Variants in EPS8 observed in about 807,000 individuals in gnomAD.
The protein encoded by EPS8 is epidermal growth factor receptor kinase substrate 8.
A neutral mutation model predicts 103.8 loss-of-function variants in EPS8; 42 were observed. The observed-to-expected ratio is 0.40, with a 90% CI of 0.32 to 0.52. The LOEUF (loss-of-function observed/expected upper bound fraction) is 0.52, where lower values mean the gene tolerates loss of function less well. Among genes scored for constraint, EPS8 ranks in the 20% least tolerant of loss-of-function variants. The probability of loss-of-function intolerance (pLI) is 0.40; values close to 1 mark genes in which losing one functional copy is unlikely to be tolerated. For missense variants in EPS8, 969 were observed against 1,005.1 expected (o/e 0.96, Z 0.49); for synonymous variants, 344 against 344.6 (o/e 1.00, Z 0.02).
In EPS8 at chr12:15,641,686, T is replaced by C. The variant is rs57245594; in HGVS notation, c.1677+36A>G. The C allele has an allele frequency of 0.039, 39,440 of 1,022,330 alleles. 2,048 individuals are homozygous for C. Among genetic ancestry groups the C allele is most frequent in the African/African-American group, 0.22 (13,364 of 59,874 alleles). 63.3% of individuals were successfully genotyped at this position (1,022,330 alleles called of 1,614,324 possible). A position where few individuals can be genotyped will look rare whatever the true frequency, so the allele number is the denominator to read the frequency against. On this transcript the variant is annotated intron_variant, in intron 16 of 20. Coordinates refer to ENST00000281172, the MANE Select transcript of EPS8 (RefSeq NM_004447.6). The stretch of plus-strand genomic sequence containing the variant: ...CAAAAGAGTAATACAATAAAACTAC[T>C]TTATTAAGAGTATAAAAAAGAAAAA...
intron 10 of EPS8, among the ~76,000 whole-genome samples, chr12:15,659,693 G>A (rs1470723418): frequency 1.3e-5 from 2 of 152,088 alleles, no homozygotes; most frequent in African/African-American, 4.8e-5. Context: ...GTAATGAAAG[G>A]GATATTTATT....
intron 19 of EPS8, among the ~76,000 whole-genome samples, chr12:15,623,768 T>C (rs1393948485): frequency 6.6e-6 from 1 of 152,218 alleles, no homozygotes; most frequent in Non-Finnish European, 1.5e-5. Flanking sequence ...TATGGGTTTA[T>C]TAAAGGAAAA....
At chr12:15,623,940 G>A (rs1944901759) in intron 19 of EPS8, among the ~76,000 whole-genome samples, 1 of 152,182 alleles carries the variant, frequency 6.6e-6, no homozygotes, top group South Asian at 2.1e-4. Context: ...GTAATCTGAT[G>A]GAGAAAAGAA....
rs141672760 is a variant in EPS8, at chr12:15,691,212, T to A, written c.-21-8240A>T. Among the ~76,000 whole-genome samples, 45 of 149,466 alleles carry A rather than the reference T, an allele frequency of 3.0e-4. 1 individual carries two copies. In the East Asian group the frequency reaches 8.6e-3, roughly 29 times the overall value. On this transcript the variant is annotated intron_variant, in intron 1 of 20. Coordinates refer to ENST00000281172, the MANE Select transcript of EPS8 (RefSeq NM_004447.6). ...CTAGATTAGGGGTGGATCTAGAGGA[T>A]AAAATCTCCCTGAAAGAATGACTAG... is the stretch of plus-strand genomic sequence containing the variant.
rs1431669832 is a variant in EPS8 at position 15,690,919 on chromosome 12, AAAG to A, written c.-21-7950_-21-7948del. ...ATAGGCTGCTAGAAAGTGATGCAAT[AAAG>A]AAGAGTCAAGACCAAACAAAAAAGT... On this transcript the variant is annotated intron_variant, in intron 1 of 20. Coordinates refer to ENST00000281172, the MANE Select transcript of EPS8 (RefSeq NM_004447.6). The surrounding 1 kb of genome is among the most constrained non-coding windows in gnomAD (Gnocchi z 4.7). 6.6e-6 allele frequency among the ~76,000 whole-genome samples: 1 copy of A among 152,098 alleles called. No homozygotes were observed.
rs7310584 is a variant in EPS8, at chr12:15,624,511, G to T, written c.2045-104C>A. 125 of 777,616 alleles carry T rather than the reference G, an allele frequency of 1.6e-4. No individual in the cohort carries two copies. The African/African-American group carries it at 1.7e-3, about 11-fold the overall frequency. The allele number at this position is 777,616 out of a possible 1,614,324, so 48.2% of individuals were successfully genotyped here. A position where few individuals can be genotyped will look rare whatever the true frequency, so the allele number is the denominator to read the frequency against. ...ATCCTTGACCCCAGTAGGACCTACAGTCTAGTGTTCCTACCATCTTTCCTC... is the reference window on the plus strand; with the variant it reads ...ATCCTTGACCCCAGTAGGACCTACATTCTAGTGTTCCTACCATCTTTCCTC... On this transcript the variant is annotated intron_variant, in intron 18 of 20. Coordinates refer to ENST00000281172, the MANE Select transcript of EPS8 (RefSeq NM_004447.6).
At position 15,752,697 on chromosome 12, in the gene EPS8, G is replaced by T. The variant is rs1455950509; in HGVS notation, c.-22+36464C>A. Among the ~76,000 whole-genome samples, 1 of 152,016 alleles carries T rather than the reference G, an allele frequency of 6.6e-6. No homozygotes were observed. Among genetic ancestry groups the T allele is most frequent in the Non-Finnish European group, 1.5e-5 (1 of 68,024 alleles). ...CAGGAGGTAGAGGAGATGGGCCTGA[G>T]AAGTTATACCCCGACAGTGAAGATA... is the stretch of plus-strand genomic sequence containing the variant. On this transcript the variant is annotated intron_variant, in intron 1 of 20. Transcript: ENST00000281172. The surrounding 1 kb of genome is among the most constrained non-coding windows in gnomAD (Gnocchi z 4.4).
At chr12:15,774,793 A>C (rs1184876090) in intron 1 of EPS8, among the ~76,000 whole-genome samples, 1 of 151,406 alleles carries the variant, frequency 6.6e-6, no homozygotes, top group Admixed American at 6.6e-5. Context: ...ACAGCCAACA[A>C]AGTAATCAAT....
chr12:15,649,228 T>C (rs752168934), intron 14 of EPS8, among the ~76,000 whole-genome samples: 1 of 152,196 alleles, frequency 6.6e-6, no homozygotes, highest in African/African-American at 2.4e-5. Flanking sequence ...CAAACTTATA[T>C]CCTGGGAGCC....
chr12:15,782,274 C>T (rs1211734033), intron 1 of EPS8, among the ~76,000 whole-genome samples: 5 of 152,064 alleles, frequency 3.3e-5, no homozygotes, highest in Admixed American at 2.6e-4. Flanking sequence ...GGAAGAACTG[C>T]TTGTGCCTGG....
At chr12:15,640,348 T>C (rs1241082960) in intron 17 of EPS8, among the ~76,000 whole-genome samples, 3 of 152,160 alleles carry the variant, frequency 2.0e-5, no homozygotes, top group Non-Finnish European at 4.4e-5. Context: ...GTGATATCAG[T>C]GCCATCCTCT....
chr12:15,624,484 T>A, intron 18 of EPS8, 77 bp from the exon 19 acceptor site: 2 of 1,161,974 alleles, frequency 1.7e-6, no homozygotes, highest in Non-Finnish European at 2.4e-6. Context: ...CCAATCTCTA[T>A]AATCCTTGAC....
rs912432177 is a variant in EPS8 at position 15,702,314 on chromosome 12, C to T, written c.-21-19342G>A. 6.6e-6 allele frequency among the ~76,000 whole-genome samples: 1 copy of T among 152,216 alleles called. No individual in the cohort carries two copies. Among genetic ancestry groups the T allele is most frequent in the Non-Finnish European group, 1.5e-5 (1 of 68,016 alleles). On this transcript the variant is annotated intron_variant, in intron 1 of 20. Transcript: ENST00000281172. This position sits in a 1 kb window ranked among gnomAD's most constrained non-coding sequence, Gnocchi z 5.1. ...ATCATCCTATTTCCTTAAAATCTATCGTTTACACAGGCGACAAGGTGAATA... is the reference window on the plus strand; with the variant it reads ...ATCATCCTATTTCCTTAAAATCTATTGTTTACACAGGCGACAAGGTGAATA...
Position 15,752,430 on chromosome 12 carries a change from G to C in EPS8, c.-22+36731C>G, listed in dbSNP as rs550712078. ...CCACTGCACCCTAGCCTGGGCGACA[G>C]AGCAAGACTCCATCTCAAAAAAAAA... On this transcript the variant is annotated intron_variant, in intron 1 of 20. Coordinates refer to ENST00000281172, the MANE Select transcript of EPS8 (RefSeq NM_004447.6). This position sits in a 1 kb window ranked among gnomAD's most constrained non-coding sequence, Gnocchi z 4.4. Among the ~76,000 whole-genome samples the C allele has an allele frequency of 2.6e-5, 4 of 151,434 alleles. No individual in the cohort carries two copies. Among genetic ancestry groups the C allele is most frequent in the African/African-American group, 4.9e-5 (2 of 41,186 alleles).
chr12:15,709,706 C>G (rs559126831), intron 1 of EPS8, among the ~76,000 whole-genome samples: 1 of 152,276 alleles, frequency 6.6e-6, no homozygotes, highest in East Asian at 1.9e-4. Context: ...GAGGGCTTTC[C>G]CCACCCACAA....
rs1591827120 is a variant in EPS8, at chr12:15,658,349, G to A, written c.1026+148C>T. The stretch of plus-strand genomic sequence containing the variant: ...AGATATATATGTTTTAAAATTTGCT[G>A]TTTTAACTGAAGGCAAATCAAAACA... On this transcript the variant is annotated intron_variant, in intron 11 of 20. Coordinates refer to ENST00000281172, the MANE Select transcript of EPS8 (RefSeq NM_004447.6). 4 of 703,038 alleles carry A rather than the reference G, an allele frequency of 5.7e-6. No individual in the cohort carries two copies. In the Middle Eastern group the frequency reaches 1.0e-3, roughly 177 times the overall value. The allele number at this position is 703,038 out of a possible 1,614,324, so 43.5% of individuals were successfully genotyped here.
Position 15,771,116 on chromosome 12 carries a change from T to C in EPS8, c.-22+18045A>G, listed in dbSNP as rs180906553. On this transcript the variant is annotated intron_variant, in intron 1 of 20. Coordinates refer to ENST00000281172, the MANE Select transcript of EPS8 (RefSeq NM_004447.6). This position sits in a 1 kb window ranked among gnomAD's most constrained non-coding sequence, Gnocchi z 4.6. Reference sequence around the variant, plus strand: ...TAAGTGGGAGAGGTACCAAAGAAGGTAGATTATTCTACAATGGCAGATAAA... The same window carrying C: ...TAAGTGGGAGAGGTACCAAAGAAGGCAGATTATTCTACAATGGCAGATAAA... Among the ~76,000 whole-genome samples the C allele has an allele frequency of 1.4e-4, 21 of 152,248 alleles. No individual in the cohort carries two copies. The highest frequency in any genetic ancestry group is 1.4e-3 in the Admixed American group (21 of 15,288).
chr12:15,720,819 A>G (rs1010612876), intron 1 of EPS8, among the ~76,000 whole-genome samples: 3 of 152,030 alleles, frequency 2.0e-5, no homozygotes, highest in African/African-American at 7.2e-5. Context: ...CTGAAACTCA[A>G]GTTCTCCATT....
intron 3 of EPS8, among the ~76,000 whole-genome samples, chr12:15,675,123 C>T (rs1320797433): frequency 6.6e-6 from 1 of 152,200 alleles, no homozygotes; most frequent in Non-Finnish European, 1.5e-5. Flanking sequence ...AGAGTTGAAT[C>T]AAGCACTGTG....
Sources: gnomAD v4.1 joint callset for allele counts (sites outside exome capture counted in the v4.1 genomes callset) on GRCh38, gnomAD v4.1.1 for gene constraint, Gnocchi (gnomAD v3.1) non-coding constraint, MANE v1.5 for transcripts, NCBI Gene and HGNC (gene_info 2026-07-23, HGNC 2026-07-21) for gene names.